EEFSEC: variants seen among roughly 807,000 people sequenced by gnomAD.
EEFSEC encodes the protein eukaryotic elongation factor, selenocysteine-tRNA specific, also known as selenocysteine-specific elongation factor.
Under a neutral mutation model 42.1 loss-of-function variants are expected in EEFSEC, and 43 were observed. The observed-to-expected ratio is 1.02, with a 90% CI of 0.80 to 1.32. The LOEUF (loss-of-function observed/expected upper bound fraction) is 1.32, where lower values mean the gene tolerates loss of function less well. EEFSEC is among the 40% of genes most tolerant of loss of function. The pLI is 0.00. For missense variants in EEFSEC, 745 were observed against 803.6 expected (o/e 0.93, Z 0.88); for synonymous variants, 354 against 339.1 (o/e 1.04, Z -0.48).
chr3:128,217,500 G>A (rs1317788712), intron 1 of EEFSEC, among the ~76,000 whole-genome samples: 2 of 152,102 alleles, frequency 1.3e-5, no homozygotes, highest in African/African-American at 4.8e-5. Flanking sequence ...CCAGCAGAAG[G>A]GCTTAAGGAC....
At chr3:128,350,727 A>G (rs2067375138) in intron 5 of EEFSEC, among the ~76,000 whole-genome samples, 1 of 152,302 alleles carries the variant, frequency 6.6e-6, no homozygotes, top group African/African-American at 2.4e-5. Context: ...CTGGAAACTG[A>G]TGGACTGAGC....
Position 128,264,628 on chromosome 3 carries a change from C to G in EEFSEC, c.633C>G (p.Ser211=), listed in dbSNP as rs773521566. The G allele has an allele frequency of 2.5e-6, 4 of 1,613,754 alleles. No individual in the cohort carries two copies. Among genetic ancestry groups the G allele is most frequent in the East Asian group, 2.2e-5 (1 of 44,878 alleles). Residue 211 remains serine, a synonymous_variant, in exon 4 of 7, where the codon TCC becomes TCG. Coordinates refer to ENST00000254730, the MANE Select transcript of EEFSEC (RefSeq NM_021937.5). ...GIPELIELLT[S]QISIPTRDPS... is the part of the protein sequence containing the mutation. The stretch of plus-strand genomic sequence containing the variant: ...TTTCTCTTTTCTAGCTCCTGACGTC[C>G]CAGATTTCCATCCCAACGAGAGATC...
Position 128,217,719 on chromosome 3 carries a change from G to A in EEFSEC, c.317-29117G>A, listed in dbSNP as rs72973426. Among the ~76,000 whole-genome samples, 136 of 152,314 alleles carry A rather than the reference G, an allele frequency of 8.9e-4. 1 individual carries two copies. The highest frequency in any genetic ancestry group is 3.2e-3 in the African/African-American group (132 of 41,568). ...CCCCCACTGCCCATGTATATAACTT[G>A]CCTTGGCTGTGGTCTTCTTTTCCAC... On this transcript the variant is annotated intron_variant, in intron 1 of 6. Coordinates refer to ENST00000254730, the MANE Select transcript of EEFSEC (RefSeq NM_021937.5).
At chr3:128,252,934 G>A (rs151130059) in intron 2 of EEFSEC, among the ~76,000 whole-genome samples, 118 of 152,228 alleles carry the variant, frequency 7.8e-4, no homozygotes, top group African/African-American at 2.8e-3. Context: ...TGCCGTCTCT[G>A]GCTGGAGCCC....
intron 1 of EEFSEC, among the ~76,000 whole-genome samples, chr3:128,204,965 G>A (rs76132192): frequency 6.6e-6 from 1 of 152,122 alleles, no homozygotes; most frequent in African/African-American, 2.4e-5. Context: ...GCTGCGTGAC[G>A]GGCTTCCCTA....
intron 4 of EEFSEC, among the ~76,000 whole-genome samples, chr3:128,286,540 C>T (rs966100929): frequency 4.6e-5 from 7 of 152,186 alleles, no homozygotes; most frequent in African/African-American, 1.4e-4. Flanking sequence ...CAAATGGTTC[C>T]AGCCTTGACC....
intron 4 of EEFSEC, among the ~76,000 whole-genome samples, chr3:128,336,299 G>T (rs2067188659): frequency 6.6e-6 from 1 of 152,062 alleles, no homozygotes; most frequent in Non-Finnish European, 1.5e-5. Context: ...ACCAAAATAT[G>T]TCTTGAACTC....
intron 1 of EEFSEC, among the ~76,000 whole-genome samples, chr3:128,202,863 T>A (rs2065656897): frequency 6.6e-6 from 1 of 152,090 alleles, no homozygotes; most frequent in Non-Finnish European, 1.5e-5. Context: ...TTATCAGGAG[T>A]GGTTGTTAAA....
chr3:128,215,568 T>G (rs907961235), intron 1 of EEFSEC, among the ~76,000 whole-genome samples: 1 of 152,212 alleles, frequency 6.6e-6, no homozygotes, highest in African/African-American at 2.4e-5. Flanking sequence ...ATAATGATGC[T>G]TGAGTTGAAC....
intron 6 of EEFSEC, among the ~76,000 whole-genome samples, chr3:128,404,573 GT>G (rs1473142737): frequency 6.6e-6 from 1 of 152,202 alleles, no homozygotes; most frequent in Non-Finnish European, 1.5e-5. Flanking sequence ...TACCTGCTCT[GT>G]TTGCAGAAGG....
intron 1 of EEFSEC, among the ~76,000 whole-genome samples, chr3:128,196,272 AAC>A (rs1384475429): frequency 1.3e-5 from 2 of 152,254 alleles, no homozygotes; most frequent in East Asian, 1.9e-4. Flanking sequence ...AAACACAAGA[AAC>A]ACACGATTTT....
At chr3:128,424,061 A>G in the EEFSEC span, among the ~76,000 whole-genome samples, 5 of 152,082 alleles carry the variant, frequency 3.3e-5, no homozygotes, top group African/African-American at 4.8e-5. Flanking sequence ...CACACACACT[A>G]TGCATGCACG....
At chr3:128,160,012 GC>G (rs2065163782) in intron 1 of EEFSEC, among the ~76,000 whole-genome samples, 1 of 152,222 alleles carries the variant, frequency 6.6e-6, no homozygotes, top group African/African-American at 2.4e-5. Context: ...TTGGGCCAGA[GC>G]CTGGCATAGG....
rs2067474419 is a variant in EEFSEC at position 128,357,813 on chromosome 3, G to A, written c.1444-404G>A. On this transcript the variant is annotated intron_variant, in intron 5 of 6. Coordinates refer to ENST00000254730, the MANE Select transcript of EEFSEC (RefSeq NM_021937.5). ...ATTGTGGCCCCCCAGGGGTGGGGGG[G>A]GCCTGCAACAGGGGCTTGAATTCAA... Among the ~76,000 whole-genome samples, 3 of 151,828 alleles carry A rather than the reference G, an allele frequency of 2.0e-5. No homozygotes were observed. In the South Asian group the frequency reaches 6.3e-4, roughly 32 times the overall value.
In EEFSEC at chr3:128,162,018, T is replaced by C. The variant is rs547850493; in HGVS notation, c.316+8195T>C. 9.2e-5 allele frequency among the ~76,000 whole-genome samples: 14 copies of C among 152,360 alleles called. No homozygotes were observed. In the East Asian group the frequency reaches 2.7e-3, roughly 29 times the overall value. On this transcript the variant is annotated intron_variant, in intron 1 of 6. Transcript: ENST00000254730. ...CACCACTTTTGGTTTTCTTTACCCC[T>C]AGTCTTTTCAGGAGAATCTGTGTAG...
In EEFSEC at chr3:128,153,784, T is replaced by C; in HGVS notation, c.277T>C (p.Cys93Arg). The change falls in exon 1 of 7, where the codon TGC becomes CGC. Residue 93 changes from cysteine (C) to arginine (R), a missense_variant. Cys to Arg is a radical substitution (Grantham distance 180). Transcript: ENST00000254730. Reference protein sequence around the residue: ...EPLLQVTLVDCPGHASLIRTI... With the variant: ...EPLLQVTLVDRPGHASLIRTI... The stretch of plus-strand genomic sequence containing the variant: ...ACTGCTTCAGGTCACGCTGGTCGAC[T>C]GCCCCGGGCACGCCTCCCTCATCCG... 1 of 1,528,310 alleles carries C rather than the reference T, an allele frequency of 6.5e-7. No individual in the cohort carries two copies. Among genetic ancestry groups the C allele is most frequent in the Non-Finnish European group, 8.7e-7 (1 of 1,144,320 alleles). 94.7% of individuals were successfully genotyped at this position (1,528,310 alleles called of 1,614,324 possible).
At chr3:128,278,493 G>A (rs899981393) in intron 4 of EEFSEC, among the ~76,000 whole-genome samples, 19 of 152,302 alleles carry the variant, frequency 1.2e-4, no homozygotes, top group African/African-American at 4.3e-4. Flanking sequence ...AGTTGGGGAC[G>A]TTTGGGGAAC....
chr3:128,195,759 A>T (rs1177307105), intron 1 of EEFSEC, among the ~76,000 whole-genome samples: 1 of 152,218 alleles, frequency 6.6e-6, no homozygotes, highest in Admixed American at 6.5e-5. Context: ...TGAGGTCAAG[A>T]TGGTAGAGAC....
At chr3:128,369,844 G>A (rs942197834) in intron 6 of EEFSEC, among the ~76,000 whole-genome samples, 2 of 152,182 alleles carry the variant, frequency 1.3e-5, no homozygotes, top group African/African-American at 2.4e-5. Context: ...GCGCCGAGCC[G>A]ACTGAGGGTT....
Sources: gnomAD v4.1 joint callset for allele counts (sites outside exome capture counted in the v4.1 genomes callset) on GRCh38, gnomAD v4.1.1 for gene constraint, MANE v1.5 for transcripts, NCBI Gene and HGNC (gene_info 2026-07-23, HGNC 2026-07-21) for gene names.